DSCAM: variants seen among roughly 807,000 people sequenced by gnomAD.
DSCAM encodes the protein DS cell adhesion molecule, also known as cell adhesion molecule DSCAM.
A neutral mutation model predicts 217.7 loss-of-function variants in DSCAM; 47 were observed. That is an observed-to-expected ratio of 0.22 (90% CI 0.17 to 0.28). The LOEUF is 0.28. Among genes scored for constraint, DSCAM ranks in the 10% least tolerant of loss-of-function variants. The pLI is 1.00. For missense variants in DSCAM, 2,080 were observed against 2,618.3 expected, an observed-to-expected ratio of 0.79 and a Z score of 4.49; for synonymous variants, 1,056 against 1,015.3, an observed-to-expected ratio of 1.04 and a Z score of -0.76.
At chr21:40,523,938 A>T (rs942892954) in intron 3 of DSCAM, among the ~76,000 whole-genome samples, 6 of 152,054 alleles carry the variant, frequency 3.9e-5, no homozygotes, top group African/African-American at 1.4e-4. Context: ...CACCGAAAAC[A>T]CGAGCCACAC....
chr21:40,193,080 T>C (rs535886765), intron 11 of DSCAM, among the ~76,000 whole-genome samples: 1 of 152,178 alleles, frequency 6.6e-6, no homozygotes, highest in African/African-American at 2.4e-5. Flanking sequence ...AGAGGAGGTG[T>C]TAAGATTCAG....
At chr21:40,210,287 T>C (rs530537943) in intron 11 of DSCAM, among the ~76,000 whole-genome samples, 1 of 152,338 alleles carries the variant, frequency 6.6e-6, no homozygotes, top group South Asian at 2.1e-4. Flanking sequence ...CTCTCCCTTC[T>C]CCAAACTCCC....
At chr21:40,591,394 T>TA (rs2076983580) in intron 3 of DSCAM, among the ~76,000 whole-genome samples, 1 of 152,192 alleles carries the variant, frequency 6.6e-6, no homozygotes, top group African/African-American at 2.4e-5. Context: ...GTACTGAGTA[T>TA]CCACCTGTTA....
chr21:40,210,136 C>T (rs1362351013), intron 11 of DSCAM, among the ~76,000 whole-genome samples: 2 of 152,150 alleles, frequency 1.3e-5, no homozygotes, highest in African/African-American at 4.8e-5. Context: ...TTTTCCTTTT[C>T]CAGGTATGAC....
intron 1 of DSCAM, among the ~76,000 whole-genome samples, chr21:40,829,881 G>T (rs912734001): frequency 1.3e-5 from 2 of 152,174 alleles, no homozygotes; most frequent in African/African-American, 4.8e-5. Context: ...TTCCAGAAAT[G>T]CTGGGATGAA....
intron 11 of DSCAM, among the ~76,000 whole-genome samples, chr21:40,201,442 C>CTTAT (rs1019941517): frequency 2.6e-5 from 4 of 151,436 alleles, no homozygotes; most frequent in Non-Finnish European, 2.9e-5. Context: ...AAGAAAGCTT[C>CTTAT]TTATTTATTT....
rs544760378 is a variant in DSCAM at position 40,792,803 on chromosome 21, G to A, written c.43+53816C>T. On this transcript the variant is annotated intron_variant, in intron 1 of 32. Transcript: ENST00000400454. ...AGACATCTGTGGGCTGAGACCATCC[G>A]TTTTCTACCCCTGCTGTAGAGTTTC... Among the ~76,000 whole-genome samples the A allele has an allele frequency of 3.5e-4, 54 of 152,238 alleles. 1 individual carries two copies. The highest frequency in any genetic ancestry group is 2.3e-3 in the East Asian group (12 of 5,176).
intron 3 of DSCAM, among the ~76,000 whole-genome samples, chr21:40,442,193 T>C (rs1214826383): frequency 6.6e-6 from 1 of 152,126 alleles, no homozygotes; most frequent in Admixed American, 6.5e-5. Flanking sequence ...CATTATAAAA[T>C]GTTAGGCACT....
At chr21:40,374,189 T>C (rs1019706869) in intron 3 of DSCAM, among the ~76,000 whole-genome samples, 9 of 152,208 alleles carry the variant, frequency 5.9e-5, no homozygotes, top group East Asian at 5.8e-4. Context: ...AATAAATGTA[T>C]ATAACTTTTC....
At chr21:40,237,458 C>T (rs1286135474) in intron 11 of DSCAM, among the ~76,000 whole-genome samples, 5 of 152,096 alleles carry the variant, frequency 3.3e-5, no homozygotes, top group Admixed American at 1.3e-4. Context: ...AGTGAGAACA[C>T]GTGGTGTTTG....
intron 11 of DSCAM, among the ~76,000 whole-genome samples, chr21:40,206,025 C>T (rs1034218066): frequency 6.6e-6 from 1 of 152,204 alleles, no homozygotes; most frequent in Non-Finnish European, 1.5e-5. Flanking sequence ...GCACCTGCTT[C>T]CTCTTAGAGA....
intron 3 of DSCAM, among the ~76,000 whole-genome samples, chr21:40,507,144 G>A (rs1359314620): frequency 6.6e-6 from 1 of 152,000 alleles, no homozygotes; most frequent in South Asian, 2.1e-4. Flanking sequence ...AGGCATGGTG[G>A]CACACACCTG....
At position 40,353,739 on chromosome 21, in the gene DSCAM, T is replaced by C. The variant is rs776548142; in HGVS notation, c.660A>G (p.Pro220=). The C allele has an allele frequency of 1.6e-5, 24 of 1,544,574 alleles. No individual in the cohort carries two copies. The highest frequency in any genetic ancestry group is 1.7e-5 in the Non-Finnish European group (20 of 1,153,378). The change falls in exon 5 of 33, where the codon CCA becomes CCG. Residue 220 remains proline (P), a synonymous_variant. Coordinates refer to ENST00000400454, the MANE Select transcript of DSCAM (RefSeq NM_001389.5). ...CCAGTATGGATGGGGCTGAGTTCGCTGGGTCTGTAGAAGAAATAAAAACTC... is the reference window on the plus strand; with the variant it reads ...CCAGTATGGATGGGGCTGAGTTCGCCGGGTCTGTAGAAGAAATAAAAACTC... The part of the protein sequence containing the change: ...SNSARLFVSD[P]ANSAPSILDG...
At chr21:40,397,804 A>G (rs1306232324) in intron 3 of DSCAM, among the ~76,000 whole-genome samples, 1 of 151,884 alleles carries the variant, frequency 6.6e-6, no homozygotes, top group Non-Finnish European at 1.5e-5. Flanking sequence ...TACTATTACC[A>G]ATACTGCTAC....
At chr21:40,688,114 T>C (rs1322911920) in intron 3 of DSCAM, among the ~76,000 whole-genome samples, 1 of 152,182 alleles carries the variant, frequency 6.6e-6, no homozygotes, top group Non-Finnish European at 1.5e-5. Flanking sequence ...GGTATTCAGA[T>C]AGGAAATATT....
At chr21:40,454,081 T>A (rs1442037354) in intron 3 of DSCAM, among the ~76,000 whole-genome samples, 2 of 152,166 alleles carry the variant, frequency 1.3e-5, no homozygotes, top group African/African-American at 4.8e-5. Flanking sequence ...AACAGAAAGA[T>A]ATATATAAGC....
intron 3 of DSCAM, among the ~76,000 whole-genome samples, chr21:40,468,209 T>G (rs188863385): frequency 2.0e-5 from 3 of 152,180 alleles, no homozygotes; most frequent in African/African-American, 7.2e-5. Context: ...ATTCTCTTTC[T>G]CTTTCCCCAA....
intron 14 of DSCAM, among the ~76,000 whole-genome samples, chr21:40,184,055 G>A (rs1412356779): frequency 1.3e-5 from 2 of 152,182 alleles, no homozygotes. Flanking sequence ...GGTGCAGATA[G>A]TAAATTAATA....
chr21:40,500,703 T>G lies in DSCAM; in HGVS notation c.509-131458A>C, dbSNP rs936828690. On this transcript the variant is annotated intron_variant, in intron 3 of 32. Transcript: ENST00000400454. ...TAAGAGCAGCTCAAAACTGTCATCT[T>G]CCCTAGGCATGGAGGGTTAGTGGGC... Among the ~76,000 whole-genome samples the G allele has an allele frequency of 2.0e-5, 3 of 152,182 alleles. No homozygotes were observed. In the South Asian group the frequency reaches 6.2e-4, roughly 31 times the overall value.
Sources: allele counts gnomAD v4.1 joint callset (sites outside exome capture counted in the v4.1 genomes callset), GRCh38; gene constraint gnomAD v4.1.1; transcripts MANE v1.5; gene names NCBI Gene and HGNC (gene_info 2026-07-23, HGNC 2026-07-21).